The following CRAMP1 variants were observed in gnomAD, a reference collection of about 807,000 sequenced individuals.
The protein encoded by CRAMP1 is cramped chromatin regulator 1, also known as protein cramped-like.
CRAMP1 carries 50 observed loss-of-function variants against 115.4 expected under a neutral mutation model. That is an observed-to-expected ratio of 0.43 (90% CI 0.35 to 0.55). The LOEUF is 0.55. CRAMP1 is among the 20% of genes least tolerant of loss of function. CRAMP1 has a pLI of 0.01. For missense variants in CRAMP1, 1,679 were observed against 1,721.7 expected (o/e 0.98, Z 0.44); for synonymous variants, 866 against 745.4 (o/e 1.16, Z -2.64).
intron 13 of CRAMP1, among the ~76,000 whole-genome samples, chr16:1,664,785 A>AG (rs2036859747): frequency 6.6e-6 from 1 of 152,078 alleles, no homozygotes; most frequent in African/African-American, 2.4e-5. Context: ...TCTCAAAAAA[A>AG]AAAAAAAAAA....
chr16:1,637,867 C>A lies in CRAMP1; in HGVS notation c.738C>A (p.Gly246=). The A allele has an allele frequency of 6.4e-7, 1 of 1,570,842 alleles. No individual in the cohort carries two copies. The highest frequency in any genetic ancestry group is 1.2e-5 in the South Asian group (1 of 83,876). Residue 246 remains glycine, a synonymous_variant, in exon 5 of 21, where the codon GGC becomes GGA. Transcript: ENST00000397412. ...GLKKSSQELY[G]LICYGELRKK... ...AGAAGTCATCCCAGGAACTGTATGG[C>A]CTGATCTGCTATGGCGAGCTGCGCA...
In CRAMP1 at chr16:1,659,886, G is replaced by C. The variant is rs780091307; in HGVS notation, c.2236G>C (p.Ala746Pro). The change falls in exon 11 of 21, where the codon GCT becomes CCT. Residue 746 changes from alanine to proline, a missense_variant and splice_region_variant. Physicochemically the swap from Ala to Pro is conservative, Grantham distance 27. Coordinates refer to ENST00000397412, the MANE Select transcript of CRAMP1 (RefSeq NM_020825.4). ...LISTEVNPKL[A>P]LEANTISTAS... ...ATTGTTTGGCCCATTTCTGTCCTAG[G>C]CTCTGGAAGCAAACACCATCTCTAC... 6.2e-7 allele frequency: 1 copy of C among 1,613,248 alleles called. No homozygotes were observed. The highest frequency in any genetic ancestry group is 2.2e-5 in the East Asian group (1 of 44,856).
chr16:1,613,151 G>T (rs2036375622), intron 1 of CRAMP1, among the ~76,000 whole-genome samples: 1 of 152,176 alleles, frequency 6.6e-6, no homozygotes. Context: ...TGAGTGGAAA[G>T]AGGTGGGTTG....
chr16:1,660,780 G>A (rs911524269), intron 11 of CRAMP1, among the ~76,000 whole-genome samples: 3 of 152,228 alleles, frequency 2.0e-5, no homozygotes, highest in African/African-American at 7.2e-5. Flanking sequence ...GCCAAGGCTG[G>A]TGGATCACCT....
At position 1,656,910 on chromosome 16, in the gene CRAMP1, G is replaced by A; in HGVS notation, c.2153G>A (p.Gly718Asp). 6.4e-7 allele frequency: 1 copy of A among 1,554,514 alleles called. No homozygotes were observed. Among genetic ancestry groups the A allele is most frequent in the Non-Finnish European group, 8.7e-7 (1 of 1,149,810 alleles). ...LGPGRQDPRP[G>D]SLPTALHKQR... is the part of the protein sequence containing the mutation. Reference sequence around the variant, plus strand: ...CCCGGCCGCCAGGACCCCCGCCCCGGCTCCCTACCCACCGCCCTCCACAAG... The same window carrying A: ...CCCGGCCGCCAGGACCCCCGCCCCGACTCCCTACCCACCGCCCTCCACAAG... The change falls in exon 10 of 21, where the codon GGC becomes GAC. Residue 718 changes from glycine to aspartate, a missense_variant. Around this residue, in one of 8 missense-constraint regions of CRAMP1, gnomAD observed 709 missense variants for 741.9 expected, o/e 0.96. Transcript: ENST00000397412. This position sits in a 1 kb window ranked among gnomAD's most constrained non-coding sequence, Gnocchi z 5.6.
chr16:1,673,017 T>C (rs9935190), intron 20 of CRAMP1, among the ~76,000 whole-genome samples: 25,207 of 151,866 alleles, frequency 0.17, 2,990 homozygotes, highest in African/African-American at 0.32. Flanking sequence ...TCCTCAGGAC[T>C]GATGGGAACG....
rs917024778 is a variant in CRAMP1, at chr16:1,676,686, C to T, written c.*2641C>T. 6.6e-5 allele frequency: 10 copies of T among 152,224 alleles called. No homozygotes were observed. The highest frequency in any genetic ancestry group is 3.8e-4 in the East Asian group (2 of 5,200). 9.4% of individuals were successfully genotyped at this position (152,224 alleles called of 1,614,324 possible). A position where few individuals can be genotyped will look rare whatever the true frequency, so the allele number is the denominator to read the frequency against. Reference sequence around the variant, plus strand: ...GTTGCCTGGGATCTTTCTGTTGATTCGTCTTTTCTGGAGATTGGGACAGAG... The same window carrying T: ...GTTGCCTGGGATCTTTCTGTTGATTTGTCTTTTCTGGAGATTGGGACAGAG... On this transcript the variant is annotated 3_prime_UTR_variant, in exon 21 of 21. Transcript: ENST00000397412.
intron 2 of CRAMP1, chr16:1,620,577 T>A: frequency 6.6e-6 from 3 of 451,634 alleles, no homozygotes; most frequent in South Asian, 4.7e-5. Flanking sequence ...GGACAGTGAA[T>A]TGATGTTAGA....
Position 1,655,258 on chromosome 16 carries a change from C to G in CRAMP1, c.1077C>G (p.Ile359Met), listed in dbSNP as rs371683187. 1 of 1,614,002 alleles carries G rather than the reference C, an allele frequency of 6.2e-7. No homozygotes were observed. Among genetic ancestry groups the G allele is most frequent in the Non-Finnish European group, 8.5e-7 (1 of 1,179,882 alleles). ...VELHRKVSSL[I>M]EFLKQKWALH... ...TACATCGAAAGGTCTCCAGCCTCAT[C>G]GAATTCTTGAAGCAGAAGTGGGCGC... The change falls in exon 9 of 21, where the codon ATC becomes ATG. Residue 359 changes from isoleucine to methionine, a missense_variant. Ile to Met is a conservative substitution (Grantham distance 10). This residue lies in a region of CRAMP1 where 191 missense variants were observed against 236.2 expected (regional missense o/e 0.81). Coordinates refer to ENST00000397412, the MANE Select transcript of CRAMP1 (RefSeq NM_020825.4).
chr16:1,647,292 T>C (rs2036683694), intron 6 of CRAMP1, among the ~76,000 whole-genome samples: 1 of 152,236 alleles, frequency 6.6e-6, no homozygotes, highest in African/African-American at 2.4e-5. Context: ...CCCAGAGGCC[T>C]AAGTTTATCA....
At chr16:1,623,661 G>A (rs1159402543) in intron 2 of CRAMP1, among the ~76,000 whole-genome samples, 1 of 152,234 alleles carries the variant, frequency 6.6e-6, no homozygotes, top group Non-Finnish European at 1.5e-5. Flanking sequence ...GTTGTGGGTG[G>A]TGCAGAGGTG....
intron 2 of CRAMP1, among the ~76,000 whole-genome samples, chr16:1,625,413 C>T (rs1357116722): frequency 1.3e-5 from 2 of 152,142 alleles, no homozygotes; most frequent in East Asian, 1.9e-4. Flanking sequence ...CAGAACACTA[C>T]GTTTTTTTGG....
intron 3 of CRAMP1, among the ~76,000 whole-genome samples, chr16:1,628,688 A>G (rs914812440): frequency 1.8e-4 from 27 of 152,214 alleles, no homozygotes; most frequent in Non-Finnish European, 4.4e-5. Context: ...GTGACTGGGC[A>G]CAGGCCTCTG....
chr16:1,651,366 G>C lies in CRAMP1; in HGVS notation c.828-1130G>C, dbSNP rs540152219. Among the ~76,000 whole-genome samples the C allele has an allele frequency of 6.6e-5, 10 of 152,000 alleles. No individual in the cohort carries two copies. In the East Asian group the frequency reaches 1.9e-3, roughly 30 times the overall value. ...TAGGGGTGGATTTAGGTCACGCACA[G>C]GTCACGGAAAGGTGGACTGAGAGGT... On this transcript the variant is annotated intron_variant, in intron 6 of 20. Transcript: ENST00000397412.
At chr16:1,652,618 GC>G in intron 7 of CRAMP1, 37 bp downstream of exon 7, 1 of 1,526,580 alleles carries the variant, frequency 6.6e-7, no homozygotes, top group Non-Finnish European at 8.9e-7. Context: ...CAGAGGCGGT[GC>G]CCATGGTGTC....
At chr16:1,617,721 G>C (rs1291681245) in intron 2 of CRAMP1, among the ~76,000 whole-genome samples, 1 of 152,198 alleles carries the variant, frequency 6.6e-6, no homozygotes, top group Non-Finnish European at 1.5e-5. Flanking sequence ...AAGTCTGCTT[G>C]TTTGGCTTTT....
chr16:1,635,320 G>T (rs2036579753), intron 4 of CRAMP1, among the ~76,000 whole-genome samples: 1 of 152,242 alleles, frequency 6.6e-6, no homozygotes, highest in African/African-American at 2.4e-5. Context: ...TCCGCCCCCA[G>T]CTTGGGGGCC....
At chr16:1,621,448 A>C (rs569654420) in intron 2 of CRAMP1, among the ~76,000 whole-genome samples, 5 of 152,346 alleles carry the variant, frequency 3.3e-5, no homozygotes, top group East Asian at 3.9e-4. Context: ...CTTGGGAAAC[A>C]GGCGGTGCGG....
At chr16:1,646,126 G>T (rs1414796712) in intron 6 of CRAMP1, among the ~76,000 whole-genome samples, 1 of 152,224 alleles carries the variant, frequency 6.6e-6, no homozygotes, top group African/African-American at 2.4e-5. Flanking sequence ...CACCTGCTGA[G>T]TCATGTTCCA....
Sources: allele counts gnomAD v4.1 joint callset (sites outside exome capture counted in the v4.1 genomes callset), GRCh38; gene constraint gnomAD v4.1.1; regional missense constraint gnomAD v4.1.1; non-coding constraint Gnocchi (gnomAD v3.1); transcripts MANE v1.5; gene names NCBI Gene and HGNC (gene_info 2026-07-23, HGNC 2026-07-21).